Variants in KPNA6 observed in about 807,000 individuals in gnomAD.
KPNA6 encodes importin subunit alpha-7.
A neutral mutation model predicts 72.0 loss-of-function variants in KPNA6; 9 were observed. The ratio of observed to expected loss-of-function variants is 0.13; its 90% CI spans 0.08 to 0.22. The LOEUF (loss-of-function observed/expected upper bound fraction) is 0.22. KPNA6 is among the 10% of genes least tolerant of loss of function. The pLI, the probability that KPNA6 is intolerant of heterozygous loss-of-function variation, is 1.00. For missense variants in KPNA6, 374 were observed against 655.7 expected (o/e 0.57, Z 4.69); for synonymous variants, 219 against 242.1 (o/e 0.90, Z 0.89).
intron 10 of KPNA6, among the ~76,000 whole-genome samples, chr1:32,164,923 A>G (rs773831094): frequency 1.3e-5 from 2 of 151,946 alleles, no homozygotes; most frequent in Non-Finnish European, 2.9e-5. Flanking sequence ...ATTGAGACAG[A>G]GTCTGTCTTT....
chr1:32,126,002 CCT>C (rs1268067087), intron 1 of KPNA6, among the ~76,000 whole-genome samples: 17 of 129,230 alleles, frequency 1.3e-4, no homozygotes, highest in Non-Finnish European at 2.4e-4. Context: ...AAAAAAAAAA[CCT>C]GTCCTATTTT....
At chr1:32,144,396 C>G (rs1394807432) in intron 1 of KPNA6, among the ~76,000 whole-genome samples, 1 of 152,146 alleles carries the variant, frequency 6.6e-6, no homozygotes, top group Non-Finnish European at 1.5e-5. Flanking sequence ...TATTTTCAGA[C>G]CACTGTTGTC....
Position 32,173,466 on chromosome 1 carries a change from G to C in KPNA6, c.*2572G>C, listed in dbSNP as rs1642473823. 5.1e-6 allele frequency: 1 copy of C among 195,790 alleles called. No homozygotes were observed. The highest frequency in any genetic ancestry group is 2.3e-5 in the African/African-American group (1 of 43,296). The allele number at this position is 195,790 out of a possible 1,614,324, so 12.1% of individuals were successfully genotyped here. On this transcript the variant is annotated 3_prime_UTR_variant, in exon 14 of 14. Coordinates refer to ENST00000373625, the MANE Select transcript of KPNA6 (RefSeq NM_012316.5). ...ACTCCAAAGGCTAAAGTCTACTAGGGGCAGAGTGTGAGGATAGATTTCTAA... is the reference window on the plus strand; with the variant it reads ...ACTCCAAAGGCTAAAGTCTACTAGGCGCAGAGTGTGAGGATAGATTTCTAA...
At chr1:32,153,192 G>A (rs986611380) in intron 1 of KPNA6, among the ~76,000 whole-genome samples, 1 of 152,034 alleles carries the variant, frequency 6.6e-6, no homozygotes, top group Admixed American at 6.6e-5. Context: ...TCTGGTAAAG[G>A]TTCTCAGGAA....
intron 9 of KPNA6, 91 bp from the exon 10 acceptor site, chr1:32,163,144 T>C: frequency 1.2e-6 from 1 of 814,372 alleles, no homozygotes; most frequent in Middle Eastern, 2.2e-4. Context: ...TACAGGTTCC[T>C]TAAGCTTCTC....
At chr1:32,163,207 C>T in intron 9 of KPNA6, 28 bp from the exon 10 acceptor site, 1 of 1,530,798 alleles carries the variant, frequency 6.5e-7, no homozygotes, top group Non-Finnish European at 9.0e-7. Flanking sequence ...GTGTGCTGGC[C>T]TTCTGATCAG....
intron 9 of KPNA6, among the ~76,000 whole-genome samples, chr1:32,162,986 C>A (rs1288843077): frequency 1.3e-5 from 2 of 151,434 alleles, no homozygotes; most frequent in South Asian, 2.1e-4. Flanking sequence ...CACCTGTAGT[C>A]CCAGCTACTC....
At chr1:32,117,647 A>T (rs1003575995) in intron 1 of KPNA6, among the ~76,000 whole-genome samples, 2 of 151,850 alleles carry the variant, frequency 1.3e-5, no homozygotes, top group African/African-American at 4.8e-5. Flanking sequence ...TAACAACAAT[A>T]AAAAAACACA....
At chr1:32,117,287 G>A (rs757456657) in intron 1 of KPNA6, among the ~76,000 whole-genome samples, 1 of 150,978 alleles carries the variant, frequency 6.6e-6, no homozygotes, top group Non-Finnish European at 1.5e-5. Context: ...ATTCTCCTTC[G>A]TCAGCCTCCT....
At chr1:32,163,534 AATC>A (rs1371448012) in intron 10 of KPNA6, among the ~76,000 whole-genome samples, 1 of 152,216 alleles carries the variant, frequency 6.6e-6, no homozygotes, top group Non-Finnish European at 1.5e-5. Context: ...ATTGGGAACA[AATC>A]ATCGTCTAAT....
At chr1:32,125,948 G>T (rs549636632) in intron 1 of KPNA6, among the ~76,000 whole-genome samples, 1 of 139,918 alleles carries the variant, frequency 7.1e-6, no homozygotes, top group Non-Finnish European at 1.5e-5. Flanking sequence ...TTCAGATTTT[G>T]CCGCCAAATG....
chr1:32,136,093 G>A (rs971153038), intron 1 of KPNA6, among the ~76,000 whole-genome samples: 16 of 152,008 alleles, frequency 1.1e-4, no homozygotes, highest in African/African-American at 3.6e-4. Flanking sequence ...TGTAGTAGAT[G>A]TGTCTTACAG....
At chr1:32,130,035 C>T (rs143303800) in intron 1 of KPNA6, among the ~76,000 whole-genome samples, 2 of 152,216 alleles carry the variant, frequency 1.3e-5, no homozygotes, top group African/African-American at 4.8e-5. Context: ...AGTTTGCCTA[C>T]CTCTAAAATG....
chr1:32,130,063 T>A (rs1338522833), intron 1 of KPNA6, among the ~76,000 whole-genome samples: 1 of 152,206 alleles, frequency 6.6e-6, no homozygotes, highest in African/African-American at 2.4e-5. Context: ...TATGTGAGTC[T>A]AAGCTAATAA....
intron 1 of KPNA6, among the ~76,000 whole-genome samples, chr1:32,117,990 C>A (rs1004501594): frequency 1.3e-5 from 2 of 152,072 alleles, no homozygotes; most frequent in Non-Finnish European, 2.9e-5. Flanking sequence ...GTGGCACAAT[C>A]TCCGCTCACC....
At chr1:32,142,911 G>T in intron 1 of KPNA6, 1 of 1,276,428 alleles carries the variant, frequency 7.8e-7, no homozygotes, top group Non-Finnish European at 1.0e-6. Flanking sequence ...TTGTCACCAT[G>T]GTGACTAAAG....
intron 1 of KPNA6, among the ~76,000 whole-genome samples, chr1:32,119,011 TATATATATA>T (rs1641378401): frequency 5.9e-5 from 4 of 67,676 alleles, no homozygotes; most frequent in African/African-American, 2.5e-4. Flanking sequence ...TATATATATA[TATATATATA>T]TATATATATA....
At chr1:32,132,442 G>T (rs896840273) in intron 1 of KPNA6, among the ~76,000 whole-genome samples, 1 of 152,156 alleles carries the variant, frequency 6.6e-6, no homozygotes, top group African/African-American at 2.4e-5. Context: ...ATAGGCACAT[G>T]CCCCCATGTC....
Position 32,163,271 on chromosome 1 carries a change from A to G in KPNA6, c.948A>G (p.Arg316=). ...ACAAAGTGGCTTCTCCTGCCCTGAG[A>G]GCCGTGGGTAACATCGTCACTGGGG... ...NDYKVASPAL[R]AVGNIVTGDD... The change falls in exon 10 of 14, where the codon AGA becomes AGG. Residue 316 remains arginine, a synonymous_variant. Transcript: ENST00000373625. The G allele has an allele frequency of 6.2e-7, 1 of 1,613,516 alleles. No individual in the cohort carries two copies. Among genetic ancestry groups the G allele is most frequent in the Middle Eastern group, 1.7e-4 (1 of 6,034 alleles).
Sources: gnomAD v4.1 joint callset for allele counts (sites outside exome capture counted in the v4.1 genomes callset) on GRCh38, gnomAD v4.1.1 for gene constraint, MANE v1.5 for transcripts, NCBI Gene and HGNC (gene_info 2026-07-23, HGNC 2026-07-21) for gene names.